Variants in DAB1 observed in about 807,000 individuals in gnomAD.
DAB1 encodes the protein DAB adaptor protein 1.
In DAB1, 15 loss-of-function variants were observed where a neutral mutation model predicts 64.6. The observed-to-expected ratio is 0.23, with a 90% CI of 0.16 to 0.36. The LOEUF (loss-of-function observed/expected upper bound fraction) is 0.36. Among genes scored for constraint, DAB1 ranks in the 10% least tolerant of loss-of-function variants. DAB1 has a pLI of 1.00. For missense variants in DAB1, 596 were observed against 706.7 expected, an observed-to-expected ratio of 0.84 and a Z score of 1.78; for synonymous variants, 235 against 251.9, an observed-to-expected ratio of 0.93 and a Z score of 0.64.
intron 2 of DAB1, among the ~76,000 whole-genome samples, chr1:57,200,094 C>T (rs541704700): frequency 6.6e-6 from 1 of 152,270 alleles, no homozygotes; most frequent in East Asian, 1.9e-4. Flanking sequence ...TGAATTTAGG[C>T]AGGGAACTTT....
At chr1:58,520,283 G>T (rs1646242150) in intron 2 of DAB1, among the ~76,000 whole-genome samples, 1 of 152,088 alleles carries the variant, frequency 6.6e-6, no homozygotes, top group African/African-American at 2.4e-5. Flanking sequence ...GCAAGCCACA[G>T]AATGAAAGAA....
chr1:57,145,280 T>C lies in DAB1; in HGVS notation c.207+10A>G. 1 of 1,613,668 alleles carries C rather than the reference T, an allele frequency of 6.2e-7. No individual in the cohort carries two copies. Among genetic ancestry groups the C allele is most frequent in the African/African-American group, 1.3e-5 (1 of 75,052 alleles). ...CACAAAGTATTGAAAAGAAAACGTT[T>C]GCATAGCACCTTGAGTTTCATCATG... On this transcript the variant is annotated intron_variant, in intron 3 of 14. Transcript: ENST00000371236.
intron 2 of DAB1, among the ~76,000 whole-genome samples, chr1:57,240,115 A>G (rs1668393689): frequency 6.6e-6 from 1 of 152,222 alleles, no homozygotes; most frequent in South Asian, 2.1e-4. Context: ...TTAACTGGTG[A>G]TATTAAATCA....
chr1:57,066,528 C>T (rs2100580406), intron 8 of DAB1, among the ~76,000 whole-genome samples: 1 of 152,266 alleles, frequency 6.6e-6, no homozygotes, highest in African/African-American at 2.4e-5. Context: ...AAAGAGGTTA[C>T]ATTTACTCAA....
intron 5 of DAB1, among the ~76,000 whole-genome samples, chr1:57,915,652 C>T (rs539004943): frequency 1.3e-5 from 2 of 152,252 alleles, no homozygotes; most frequent in Admixed American, 1.3e-4. Context: ...TTAGAAAAAG[C>T]CCCACTCAGG....
chr1:57,958,180 G>A lies in DAB1; in HGVS notation n.388-74018C>T, dbSNP rs544871413. Among the ~76,000 whole-genome samples, 5 of 152,186 alleles carry A rather than the reference G, an allele frequency of 3.3e-5. No individual in the cohort carries two copies. In the East Asian group the frequency reaches 9.7e-4, roughly 30 times the overall value. On this transcript the variant is annotated intron_variant and non_coding_transcript_variant, in intron 5 of 20. Coordinates refer to the DAB1 transcript ENST00000485760. ...TTTAGTAGAGACGGGGTTTCACCAT[G>A]TTGGTCAGGCTGGTCTCGAACTCCT...
At chr1:57,193,392 T>G (rs1005815686) in intron 2 of DAB1, among the ~76,000 whole-genome samples, 3 of 135,242 alleles carry the variant, frequency 2.2e-5, no homozygotes, top group Non-Finnish European at 3.2e-5. Context: ...TTTTTTTTTT[T>G]TTTTTTTTTT....
intron 2 of DAB1, among the ~76,000 whole-genome samples, chr1:58,521,697 A>G (rs747089149): frequency 6.6e-6 from 1 of 152,162 alleles, no homozygotes; most frequent in Admixed American, 6.5e-5. Flanking sequence ...TAGAAAAACT[A>G]CAAAAACTGA....
chr1:57,567,831 G>T (rs535822845), intron 7 of DAB1, among the ~76,000 whole-genome samples: 1 of 152,276 alleles, frequency 6.6e-6, no homozygotes, highest in East Asian at 1.9e-4. Context: ...AATCAATATG[G>T]TGAAAATGGC....
intron 4 of DAB1, among the ~76,000 whole-genome samples, chr1:58,235,872 C>A (rs1459831109): frequency 6.6e-6 from 1 of 152,182 alleles, no homozygotes; most frequent in East Asian, 1.9e-4. Context: ...ATTGACATCC[C>A]AAAGAGAGAG....
intron 5 of DAB1, among the ~76,000 whole-genome samples, chr1:58,002,875 GTTAT>G (rs1646527893): frequency 6.6e-6 from 1 of 152,122 alleles, no homozygotes; most frequent in Admixed American, 6.6e-5. Context: ...ATTTAGGCTA[GTTAT>G]TTATCTTTTG....
chr1:57,541,135 T>C (rs1172506960), intron 7 of DAB1, among the ~76,000 whole-genome samples: 4 of 151,172 alleles, frequency 2.6e-5, no homozygotes, highest in African/African-American at 7.3e-5. Flanking sequence ...TTCTTTCTTT[T>C]TTTTTTTTTT....
intron 5 of DAB1, among the ~76,000 whole-genome samples, chr1:57,916,964 A>C (rs12130156): frequency 6.6e-6 from 1 of 151,988 alleles, no homozygotes; most frequent in Non-Finnish European, 1.5e-5. Context: ...AAAAGTTTTA[A>C]TGAATCATCT....
intron 6 of DAB1, among the ~76,000 whole-genome samples, chr1:57,736,105 G>A (rs1052279622): frequency 1.3e-4 from 20 of 152,102 alleles, no homozygotes; most frequent in South Asian, 2.1e-4. Context: ...ATGCCTCCCC[G>A]TACGGACGGC....
chr1:57,448,220 T>C (rs1423628240), intron 7 of DAB1, among the ~76,000 whole-genome samples: 2 of 152,224 alleles, frequency 1.3e-5, no homozygotes, highest in Non-Finnish European at 2.9e-5. Flanking sequence ...GCACGCTATA[T>C]GTCCCAGGCA....
chr1:58,071,363 G>GGTGTGTGTGTGTGTGTGT (rs548977353), intron 5 of DAB1, among the ~76,000 whole-genome samples: 108 of 135,790 alleles, frequency 8.0e-4, no homozygotes, highest in Non-Finnish European at 1.3e-3. Context: ...AAAGGAGAAT[G>GGTGTGTGTGTGTGTGTGT]GTGTGTGTGT....
At chr1:58,023,619 CA>C (rs1264350590) in intron 5 of DAB1, among the ~76,000 whole-genome samples, 4 of 152,120 alleles carry the variant, frequency 2.6e-5, no homozygotes, top group Non-Finnish European at 5.9e-5. Flanking sequence ...AAATAATTGT[CA>C]AATGAATGAA....
intron 4 of DAB1, among the ~76,000 whole-genome samples, chr1:58,171,418 G>A (rs1374018096): frequency 2.0e-5 from 3 of 152,160 alleles, no homozygotes; most frequent in African/African-American, 7.2e-5. Context: ...CTCCAATTCT[G>A]GGAGTACAAA....
At chr1:57,275,158 G>GAA (rs1558071062) in intron 2 of DAB1, among the ~76,000 whole-genome samples, 6 of 152,090 alleles carry the variant, frequency 3.9e-5, no homozygotes, top group Non-Finnish European at 7.3e-5. Flanking sequence ...AAGAGAGAGA[G>GAA]AATATAAAAC....
Sources: gnomAD v4.1 joint callset for allele counts (sites outside exome capture counted in the v4.1 genomes callset) on GRCh38, gnomAD v4.1.1 for gene constraint, MANE v1.5 for transcripts, NCBI Gene and HGNC (gene_info 2026-07-23, HGNC 2026-07-21) for gene names.